FOXN4: variants seen among roughly 807,000 people sequenced by gnomAD.
The protein encoded by FOXN4 is forkhead box N4.
In FOXN4, 12 loss-of-function variants were observed where a neutral mutation model predicts 45.0. The ratio of observed to expected loss-of-function variants is 0.27; its 90% CI spans 0.17 to 0.43. FOXN4 has a LOEUF of 0.43. Among genes scored for constraint, FOXN4 ranks in the 20% least tolerant of loss-of-function variants. The pLI is 1.00. For synonymous variants in FOXN4, 297 were observed against 295.0 expected (o/e 1.01, Z -0.07); for missense variants, 560 against 694.9 (o/e 0.81, Z 2.18).
chr12:109,284,801 TGG>T, intron 8 of FOXN4, among the ~76,000 whole-genome samples: 1 of 144,500 alleles, frequency 6.9e-6, no homozygotes, highest in African/African-American at 2.6e-5. Context: ...GCACATGCTG[TGG>T]GCTATCTGGG....
intron 3 of FOXN4, among the ~76,000 whole-genome samples, chr12:109,289,526 G>T (rs545460108): frequency 6.4e-4 from 97 of 152,262 alleles, no homozygotes; most frequent in Middle Eastern, 3.4e-3. Flanking sequence ...GTTGTTTATT[G>T]TTTTGTCACT....
Position 109,285,383 on chromosome 12 carries a change from G to A in FOXN4, c.822C>T (p.Arg274=). Residue 274 remains arginine (R), a synonymous_variant, in exon 8 of 10, where the codon CGC becomes CGT. Transcript: ENST00000299162. ...GCATCTCCTCCTCCATCTTGTCGAT[G>A]CGGGCCAGGTTCAGAGCCCACAGGC... The part of the protein sequence containing the change: ...KGCLWALNLA[R]IDKMEEEMHK... 2 of 1,613,988 alleles carry A rather than the reference G, an allele frequency of 1.2e-6. No individual in the cohort carries two copies. The highest frequency in any genetic ancestry group is 8.5e-7 in the Non-Finnish European group (1 of 1,179,894).
chr12:109,304,289 A>AAGAAAGAG (rs2047900134), intron 2 of FOXN4, among the ~76,000 whole-genome samples: 4 of 51,240 alleles, frequency 7.8e-5, no homozygotes, highest in African/African-American at 3.6e-4. Flanking sequence ...GAAAGAAAGA[A>AAGAAAGAG]AGAAAGGAGA....
intron 2 of FOXN4, among the ~76,000 whole-genome samples, chr12:109,294,167 A>T (rs1277702158): frequency 6.6e-6 from 1 of 152,060 alleles, no homozygotes; most frequent in Non-Finnish European, 1.5e-5. Context: ...TAAAATGCAG[A>T]GTTGGGGCCC....
chr12:109,304,633 G>A (rs967257866), intron 2 of FOXN4, among the ~76,000 whole-genome samples: 1 of 147,198 alleles, frequency 6.8e-6, no homozygotes, highest in Non-Finnish European at 1.5e-5. Context: ...CAGGGCAGCC[G>A]CCTCTAGCTG....
intron 2 of FOXN4, among the ~76,000 whole-genome samples, chr12:109,292,244 AAGG>A (rs2047776314): frequency 1.3e-5 from 2 of 152,286 alleles, no homozygotes; most frequent in South Asian, 4.1e-4. Flanking sequence ...CTGCGGTAAC[AAGG>A]AGAAGTGGAG....
At chr12:109,295,079 G>GATAATA (rs377188697) in intron 2 of FOXN4, among the ~76,000 whole-genome samples, 1 of 152,018 alleles carries the variant, frequency 6.6e-6, no homozygotes, top group African/African-American at 2.4e-5. Flanking sequence ...GGGCATGAGT[G>GATAATA]ATAATAATAA....
intron 8 of FOXN4, 61 bp downstream of exon 8, chr12:109,285,243 C>CTGTGTGTG (rs2047695718): frequency 3.2e-6 from 4 of 1,247,874 alleles, no homozygotes; most frequent in South Asian, 1.5e-5. Flanking sequence ...CCTTCCTCTT[C>CTGTGTGTG]CGTGTGTGTG....
At chr12:109,283,461 T>C (rs2047671802) in intron 8 of FOXN4, among the ~76,000 whole-genome samples, 1 of 149,842 alleles carries the variant, frequency 6.7e-6, no homozygotes, top group African/African-American at 2.5e-5. Context: ...CCCTTTTCAC[T>C]TATTGTTTGA....
intron 8 of FOXN4, 58 bp downstream of exon 8, chr12:109,285,245 GT>G: frequency 8.0e-6 from 4 of 503,144 alleles, no homozygotes; most frequent in African/African-American, 3.7e-5. Context: ...TTCCTCTTCC[GT>G]GTGTGTGTGT....
chr12:109,289,214 G>A (rs191037166), intron 3 of FOXN4, among the ~76,000 whole-genome samples: 39 of 152,328 alleles, frequency 2.6e-4, no homozygotes, highest in Admixed American at 2.3e-3. Flanking sequence ...TGTTCCCTGG[G>A]CGTTCTAGAT....
chr12:109,293,741 C>G (rs952858699), intron 2 of FOXN4, among the ~76,000 whole-genome samples: 5 of 152,178 alleles, frequency 3.3e-5, no homozygotes, highest in Non-Finnish European at 7.3e-5. Flanking sequence ...TGTGATCCGC[C>G]CATCTTGGCC....
chr12:109,284,400 TG>T (rs2047681567), intron 8 of FOXN4, among the ~76,000 whole-genome samples: 1 of 152,178 alleles, frequency 6.6e-6, no homozygotes, highest in African/African-American at 2.4e-5. Flanking sequence ...TAGGCAGAGC[TG>T]GGGCTGGGCT....
chr12:109,279,725 G>T lies in FOXN4; in HGVS notation c.1500C>A (p.Ser500Arg), dbSNP rs563824540. Reference sequence around the variant, plus strand: ...GTGCACCCAGGTACTGGGAGGAGGAGCTGGTGCCCGATGCAGCCACACTGT... The same window carrying T: ...GTGCACCCAGGTACTGGGAGGAGGATCTGGTGCCCGATGCAGCCACACTGT... The part of the protein sequence containing the change: ...TPDSVAASGT[S>R]SSSQYLGAQG... The change falls in exon 10 of 10, where the codon AGC becomes AGA. Residue 500 changes from serine (S) to arginine (R), a missense_variant. Ser to Arg is a moderately radical substitution (Grantham distance 110). Around this residue, in one of 5 missense-constraint regions of FOXN4, gnomAD observed 315 missense variants for 350.5 expected, o/e 0.90. Transcript: ENST00000299162. 51 of 1,576,812 alleles carry T rather than the reference G, an allele frequency of 3.2e-5. No individual in the cohort carries two copies. The highest frequency in any genetic ancestry group is 4.2e-5 in the Non-Finnish European group (49 of 1,161,842).
Position 109,287,957 on chromosome 12 carries a change from G to A in FOXN4, c.358-3C>T. 1 of 1,549,866 alleles carries A rather than the reference G, an allele frequency of 6.5e-7. No homozygotes were observed. Among genetic ancestry groups the A allele is most frequent in the Non-Finnish European group, 8.7e-7 (1 of 1,146,916 alleles). On this transcript the variant is annotated splice_region_variant and splice_polypyrimidine_tract_variant and intron_variant, in intron 4 of 9. Coordinates refer to ENST00000299162, the MANE Select transcript of FOXN4 (RefSeq NM_213596.3). This position sits in a 1 kb window ranked among gnomAD's most constrained non-coding sequence, Gnocchi z 4.1. The stretch of plus-strand genomic sequence containing the variant: ...CCCCCCACGGGGAACTGGCTCATCT[G>A]CTGGGCAGGAAGAGGAGGAGACAGA...
rs894511828 is a variant in FOXN4, at chr12:109,291,952, C to T, written c.87-1666G>A. Among the ~76,000 whole-genome samples, 11 of 150,632 alleles carry T rather than the reference C, an allele frequency of 7.3e-5. No individual in the cohort carries two copies. The highest frequency in any genetic ancestry group is 1.3e-4 in the Admixed American group (2 of 15,218). On this transcript the variant is annotated intron_variant, in intron 2 of 9. Coordinates refer to ENST00000299162, the MANE Select transcript of FOXN4 (RefSeq NM_213596.3). The surrounding 1 kb of genome is among the most constrained non-coding windows in gnomAD (Gnocchi z 6.6). ...GCCACCCCTCCGGCCGCCACCCCTC[C>T]GGCTGCCACCCCTCCGGCCTGCTCG...
chr12:109,294,048 C>G (rs1461127599), intron 2 of FOXN4, among the ~76,000 whole-genome samples: 11 of 152,168 alleles, frequency 7.2e-5, no homozygotes, highest in Non-Finnish European at 1.2e-4. Context: ...TCAGGTGGTT[C>G]CTGTGGCACT....
intron 2 of FOXN4, among the ~76,000 whole-genome samples, chr12:109,299,065 G>A (rs193145883): frequency 1.6e-3 from 247 of 152,232 alleles, no homozygotes; most frequent in African/African-American, 5.7e-3. Context: ...GGTCCCCAGG[G>A]TGACTCCTGA....
chr12:109,279,389 G>T lies in FOXN4; in HGVS notation c.*282C>A, dbSNP rs899551804. 3 of 507,530 alleles carry T rather than the reference G, an allele frequency of 5.9e-6. No individual in the cohort carries two copies. The highest frequency in any genetic ancestry group is 6.5e-5 in the Admixed American group (2 of 30,984). 31.4% of individuals were successfully genotyped at this position (507,530 alleles called of 1,614,324 possible). ...CAGGCATTGCGGCTCAGGCCTCGGA[G>T]GAGTGTCAAGGGGTCGGGGGATGCT... On this transcript the variant is annotated 3_prime_UTR_variant, in exon 10 of 10. Transcript: ENST00000299162.
Sources: gnomAD v4.1 joint callset for allele counts (sites outside exome capture counted in the v4.1 genomes callset) on GRCh38, gnomAD v4.1.1 for gene constraint, gnomAD v4.1.1 regional missense constraint, Gnocchi (gnomAD v3.1) non-coding constraint, MANE v1.5 for transcripts, NCBI Gene and HGNC (gene_info 2026-07-23, HGNC 2026-07-21) for gene names.